DTNBP1: variants seen among roughly 807,000 people sequenced by gnomAD.
The protein encoded by DTNBP1 is dysbindin.
In DTNBP1, 35 loss-of-function variants were observed where a neutral mutation model predicts 42.8. That is an observed-to-expected ratio of 0.82 (90% confidence interval 0.63 to 1.09). The LOEUF (loss-of-function observed/expected upper bound fraction) is 1.09, where lower values mean the gene tolerates loss of function less well. Among genes scored for constraint, DTNBP1 ranks in the 50% least tolerant of loss-of-function variants. The pLI, the probability that DTNBP1 is intolerant of heterozygous loss-of-function variation, is 0.00. For synonymous variants in DTNBP1, 171 were observed against 162.2 expected (o/e 1.05, Z -0.41); for missense variants, 457 against 424.2 (o/e 1.08, Z -0.68).
chr6:15,656,922 G>A (rs1262360870), intron 1 of DTNBP1, among the ~76,000 whole-genome samples: 3 of 152,110 alleles, frequency 2.0e-5, no homozygotes, highest in African/African-American at 7.2e-5. Flanking sequence ...AGGTGAGGAC[G>A]ATTGCTTTAA....
rs1186259239 is a variant in DTNBP1 at position 15,613,077 on chromosome 6, G to A, written c.488+2190C>T. ...AATCCCAGCACTTTGGGAGGCTGAGGCGAGTGGATCATCAGAGGTCAGGGG... is the reference window on the plus strand; with the variant it reads ...AATCCCAGCACTTTGGGAGGCTGAGACGAGTGGATCATCAGAGGTCAGGGG... On this transcript the variant is annotated intron_variant, in intron 6 of 9. Coordinates refer to ENST00000344537, the MANE Select transcript of DTNBP1 (RefSeq NM_032122.5). Among the ~76,000 whole-genome samples, 3 of 152,032 alleles carry A rather than the reference G, an allele frequency of 2.0e-5. No individual in the cohort carries two copies. In the East Asian group the frequency reaches 5.8e-4, roughly 30 times the overall value.
At chr6:15,554,547 T>A (rs758106122) in intron 7 of DTNBP1, among the ~76,000 whole-genome samples, 1 of 152,134 alleles carries the variant, frequency 6.6e-6, no homozygotes, top group Non-Finnish European at 1.5e-5. Context: ...AGGGTGGCCA[T>A]CCTGACAAGC....
chr6:15,627,609 G>C, intron 4 of DTNBP1, 134 bp from the exon 5 acceptor site: 1 of 1,313,112 alleles, frequency 7.6e-7, no homozygotes, highest in Non-Finnish European at 1.0e-6. Context: ...TTCTAAAAGA[G>C]ACTGAAGTTG....
At chr6:15,591,426 T>G (rs1776295074) in intron 7 of DTNBP1, among the ~76,000 whole-genome samples, 1 of 152,132 alleles carries the variant, frequency 6.6e-6, no homozygotes. Context: ...TTTAAAAATA[T>G]TAGCAAAACA....
chr6:15,544,902 G>A lies in DTNBP1; in HGVS notation c.512-11507C>T, dbSNP rs527546463. 7.9e-5 allele frequency among the ~76,000 whole-genome samples: 12 copies of A among 152,198 alleles called. No homozygotes were observed. The East Asian group carries it at 2.1e-3, about 27-fold the overall frequency. ...CTTTTAAATATTTTCAATAATTGCT[G>A]TTTCCAAAGGTACTTTTAGTTCCCT... On this transcript the variant is annotated intron_variant, in intron 7 of 9. Transcript: ENST00000344537.
At chr6:15,624,700 C>T (rs1445076461) in intron 5 of DTNBP1, among the ~76,000 whole-genome samples, 2 of 152,008 alleles carry the variant, frequency 1.3e-5, no homozygotes, top group Non-Finnish European at 2.9e-5. Flanking sequence ...TAAATATAAT[C>T]GGTTACCATT....
intron 4 of DTNBP1, among the ~76,000 whole-genome samples, chr6:15,632,162 G>C (rs1014856992): frequency 6.6e-6 from 1 of 151,724 alleles, no homozygotes; most frequent in African/African-American, 2.4e-5. Flanking sequence ...GTTTATAGGG[G>C]TTATTCATAT....
Position 15,546,197 on chromosome 6 carries a change from C to CT in DTNBP1, c.512-12803dup, listed in dbSNP as rs1234843621. 44 of 326,948 alleles carry CT rather than the reference C, an allele frequency of 1.3e-4. 1 individual carries two copies. Among genetic ancestry groups the CT allele is most frequent in the Non-Finnish European group, 2.2e-4 (36 of 164,650 alleles). The allele number at this position is 326,948 out of a possible 1,614,324, so 20.3% of individuals were successfully genotyped here. On this transcript the variant is annotated intron_variant, in intron 7 of 9. Coordinates refer to ENST00000344537, the MANE Select transcript of DTNBP1 (RefSeq NM_032122.5). ...TCTCCTGCCTCAGCCTCCTGAGTAG[C>CT]TGGGATTACAGGCGCGTACCACCAC...
intron 1 of DTNBP1, 84 bp from the exon 2 acceptor site, chr6:15,652,224 C>A: frequency 8.8e-7 from 1 of 1,134,902 alleles, no homozygotes; most frequent in Non-Finnish European, 1.3e-6. Context: ...CTCTGTCGTC[C>A]AGGCTGGAGT....
At chr6:15,598,073 C>A (rs998129628) in intron 6 of DTNBP1, among the ~76,000 whole-genome samples, 1 of 151,998 alleles carries the variant, frequency 6.6e-6, no homozygotes, top group Non-Finnish European at 1.5e-5. Context: ...CTAAAACATT[C>A]AAAAAATAAC....
intron 8 of DTNBP1, among the ~76,000 whole-genome samples, chr6:15,531,092 C>T (rs1213327320): frequency 6.6e-6 from 1 of 152,136 alleles, no homozygotes; most frequent in Admixed American, 6.5e-5. Flanking sequence ...GCCACGTGCA[C>T]ACATAGGGAG....
intron 3 of DTNBP1, among the ~76,000 whole-genome samples, chr6:15,648,812 T>A (rs1392400954): frequency 6.6e-6 from 1 of 152,042 alleles, no homozygotes; most frequent in African/African-American, 2.4e-5. Context: ...ATAAGCAAAA[T>A]GACCAGATTC....
chr6:15,541,282 C>A (rs1773547225), intron 7 of DTNBP1, among the ~76,000 whole-genome samples: 1 of 151,790 alleles, frequency 6.6e-6, no homozygotes, highest in Non-Finnish European at 1.5e-5. Flanking sequence ...TCAATTGGGC[C>A]TGCATCAAGA....
intron 8 of DTNBP1, 30 bp from the exon 9 acceptor site, chr6:15,524,699 C>A (rs191234207): frequency 6.8e-6 from 11 of 1,608,830 alleles, no homozygotes; most frequent in Non-Finnish European, 9.3e-6. Context: ...AGAAAGGACA[C>A]GCTGTCTTTA....
At position 15,541,683 on chromosome 6, in the gene DTNBP1, C is replaced by T. The variant is rs144889718; in HGVS notation, c.512-8288G>A. Among the ~76,000 whole-genome samples the T allele has an allele frequency of 3.2e-4, 49 of 152,236 alleles. No individual in the cohort carries two copies. In the East Asian group the frequency reaches 8.9e-3, roughly 28 times the overall value. On this transcript the variant is annotated intron_variant, in intron 7 of 9. Coordinates refer to ENST00000344537, the MANE Select transcript of DTNBP1 (RefSeq NM_032122.5). Reference sequence around the variant, plus strand: ...ACTGCAACTTCCACTTTAGTTACCACTATCAATTTCAAATGCTTACTTACT... The same window carrying T: ...ACTGCAACTTCCACTTTAGTTACCATTATCAATTTCAAATGCTTACTTACT...
chr6:15,593,233 A>AC (rs1407519899), intron 6 of DTNBP1, 152 bp from the exon 7 acceptor site: 1 of 727,948 alleles, frequency 1.4e-6, no homozygotes, highest in East Asian at 2.8e-5. Context: ...TACTGAAATG[A>AC]CCAGTACAAT....
chr6:15,585,060 AAAG>A (rs1581360970), intron 7 of DTNBP1, among the ~76,000 whole-genome samples: 1 of 117,338 alleles, frequency 8.5e-6, no homozygotes, highest in Non-Finnish European at 1.7e-5. Flanking sequence ...GAAATTATGA[AAAG>A]AATATATATA....
chr6:15,552,984 A>G (rs1774297169), intron 7 of DTNBP1, among the ~76,000 whole-genome samples: 1 of 152,208 alleles, frequency 6.6e-6, no homozygotes, highest in Non-Finnish European at 1.5e-5. Flanking sequence ...CCCTTAAGGA[A>G]AAAGTTTCAT....
chr6:15,536,006 G>A (rs1773207224), intron 7 of DTNBP1, among the ~76,000 whole-genome samples: 1 of 152,174 alleles, frequency 6.6e-6, no homozygotes, highest in Non-Finnish European at 1.5e-5. Context: ...AATGATTAAG[G>A]GTATCTGGTG....
Sources: gnomAD v4.1 joint callset for allele counts (sites outside exome capture counted in the v4.1 genomes callset) on GRCh38, gnomAD v4.1.1 for gene constraint, MANE v1.5 for transcripts, NCBI Gene and HGNC (gene_info 2026-07-23, HGNC 2026-07-21) for gene names.